Variants in INPP4B observed in about 807,000 individuals in gnomAD.
INPP4B encodes the protein inositol polyphosphate-4-phosphatase type II B, also known as inositol polyphosphate 4-phosphatase type II.
A neutral mutation model predicts 122.5 loss-of-function variants in INPP4B; 55 were observed. The ratio of observed to expected loss-of-function variants is 0.45; its 90% CI spans 0.36 to 0.56. The LOEUF is 0.56. Among genes scored for constraint, INPP4B ranks in the 20% least tolerant of loss-of-function variants. The pLI, the probability that INPP4B is intolerant of heterozygous loss-of-function variation, is 0.00. For missense variants in INPP4B, 1,000 were observed against 1,097.7 expected (o/e 0.91, Z 1.26); for synonymous variants, 403 against 388.7 (o/e 1.04, Z -0.43).
At chr4:142,715,308 T>C (rs1307454488) in intron 2 of INPP4B, among the ~76,000 whole-genome samples, 1 of 152,228 alleles carries the variant, frequency 6.6e-6, no homozygotes, top group Non-Finnish European at 1.5e-5. Context: ...TGCATATAAA[T>C]ATTGAGCACT....
intron 11 of INPP4B, among the ~76,000 whole-genome samples, chr4:142,254,368 A>G (rs1734427975): frequency 7.4e-6 from 1 of 135,206 alleles, no homozygotes; most frequent in African/African-American, 2.6e-5. Context: ...GACTTTCACG[A>G]GCTGAGAGAA....
At chr4:142,752,416 T>C (rs913747550) in intron 1 of INPP4B, among the ~76,000 whole-genome samples, 1 of 152,108 alleles carries the variant, frequency 6.6e-6, no homozygotes, top group Non-Finnish European at 1.5e-5. Flanking sequence ...CTAACTTCTC[T>C]AGACTCAAGA....
intron 17 of INPP4B, among the ~76,000 whole-genome samples, chr4:142,159,143 G>A (rs1299899291): frequency 6.6e-6 from 1 of 151,700 alleles, no homozygotes; most frequent in East Asian, 1.9e-4. Flanking sequence ...ATTGTAACAT[G>A]GTAAATCATT....
chr4:142,408,779 C>T (rs1803984232), intron 5 of INPP4B, among the ~76,000 whole-genome samples: 1 of 152,104 alleles, frequency 6.6e-6, no homozygotes, highest in African/African-American at 2.4e-5. Flanking sequence ...TGCAATCCTT[C>T]ATTCATCAGT....
chr4:142,563,504 G>A (rs1203130075), intron 2 of INPP4B, among the ~76,000 whole-genome samples: 2 of 152,126 alleles, frequency 1.3e-5, no homozygotes, highest in African/African-American at 4.8e-5. Flanking sequence ...AGCAGTGATA[G>A]AAATAGAAAA....
intron 18 of INPP4B, among the ~76,000 whole-genome samples, chr4:142,138,963 C>T (rs1350292401): frequency 2.6e-5 from 4 of 152,150 alleles, no homozygotes; most frequent in African/African-American, 9.7e-5. Flanking sequence ...TTTCTCTTTA[C>T]ATTTTATCCA....
intron 3 of INPP4B, among the ~76,000 whole-genome samples, chr4:142,437,890 TAGC>T (rs1810868719): frequency 6.6e-6 from 1 of 152,052 alleles, no homozygotes; most frequent in Non-Finnish European, 1.5e-5. Context: ...ATAAATAGCC[TAGC>T]AACCAAAAAA....
At chr4:142,356,419 G>A (rs1180225815) in intron 7 of INPP4B, among the ~76,000 whole-genome samples, 1 of 151,662 alleles carries the variant, frequency 6.6e-6, no homozygotes, top group Non-Finnish European at 1.5e-5. Flanking sequence ...GAAATGATAT[G>A]AGAAGGAAAT....
intron 1 of INPP4B, among the ~76,000 whole-genome samples, chr4:142,844,518 C>A (rs1445583047): frequency 6.6e-6 from 1 of 152,238 alleles, no homozygotes; most frequent in East Asian, 1.9e-4. Flanking sequence ...GTTCAACCTT[C>A]AATGCCCATG....
chr4:142,727,508 A>G (rs1561003429), intron 1 of INPP4B, among the ~76,000 whole-genome samples: 2 of 152,216 alleles, frequency 1.3e-5, no homozygotes, highest in Non-Finnish European at 2.9e-5. Context: ...ATTATTAGAT[A>G]ATACATAGAG....
intron 1 of INPP4B, among the ~76,000 whole-genome samples, chr4:142,841,735 T>C (rs1446264763): frequency 2.0e-5 from 3 of 151,916 alleles, no homozygotes; most frequent in African/African-American, 7.2e-5. Flanking sequence ...AAACAACTAG[T>C]AAATGAAAAT....
At chr4:142,642,325 G>T (rs1240411109) in intron 2 of INPP4B, among the ~76,000 whole-genome samples, 1 of 152,126 alleles carries the variant, frequency 6.6e-6, no homozygotes, top group East Asian at 1.9e-4. Flanking sequence ...TGGTGTTTTA[G>T]ACATGAAGTC....
intron 9 of INPP4B, among the ~76,000 whole-genome samples, chr4:142,290,181 T>G (rs1755730371): frequency 6.6e-6 from 1 of 150,518 alleles, no homozygotes; most frequent in African/African-American, 2.4e-5. Flanking sequence ...CACCTTGGCC[T>G]TATTTCTTTC....
intron 2 of INPP4B, among the ~76,000 whole-genome samples, chr4:142,685,694 A>C (rs1759243415): frequency 6.6e-6 from 1 of 152,086 alleles, no homozygotes; most frequent in African/African-American, 2.4e-5. Flanking sequence ...AGGGAGGTCA[A>C]GGCTGCAGTG....
chr4:142,691,899 G>C (rs922603141), intron 2 of INPP4B, among the ~76,000 whole-genome samples: 5 of 152,124 alleles, frequency 3.3e-5, no homozygotes, highest in East Asian at 3.9e-4. Flanking sequence ...GGGTCTTGCT[G>C]TCTCCTCTGA....
chr4:142,761,520 T>G (rs1771340790), intron 1 of INPP4B, among the ~76,000 whole-genome samples: 1 of 152,196 alleles, frequency 6.6e-6, no homozygotes, highest in African/African-American at 2.4e-5. Context: ...TGAGTCATAT[T>G]TTTTCTACTA....
chr4:142,320,775 T>C (rs1032620177), intron 7 of INPP4B, among the ~76,000 whole-genome samples: 1 of 152,236 alleles, frequency 6.6e-6, no homozygotes, highest in African/African-American at 2.4e-5. Flanking sequence ...GTTACTTCAC[T>C]TAGAATAATG....
intron 1 of INPP4B, among the ~76,000 whole-genome samples, chr4:142,769,742 C>T (rs74729107): frequency 0.024 from 3,626 of 151,882 alleles, 59 homozygotes; most frequent in Middle Eastern, 0.095. Flanking sequence ...TGGTAAAACC[C>T]CATCTCTACT....
chr4:142,110,159 C>G (rs1490788507), intron 22 of INPP4B, among the ~76,000 whole-genome samples: 2 of 152,048 alleles, frequency 1.3e-5, no homozygotes, highest in African/African-American at 2.4e-5. Flanking sequence ...GACAGTGCCT[C>G]TAAGGGGTAA....
Sources: allele counts gnomAD v4.1 joint callset (sites outside exome capture counted in the v4.1 genomes callset), GRCh38; gene constraint gnomAD v4.1.1; transcripts MANE v1.5; gene names NCBI Gene and HGNC (gene_info 2026-07-23, HGNC 2026-07-21).